The following FBXO47 variants were observed in gnomAD, a reference collection of about 807,000 sequenced individuals.
The protein encoded by FBXO47 is F-box only protein 47.
In FBXO47, 34 loss-of-function variants were observed where a neutral mutation model predicts 53.9. The observed-to-expected ratio is 0.63, with a 90% CI of 0.48 to 0.84. The LOEUF (loss-of-function observed/expected upper bound fraction) is 0.84. Among genes scored for constraint, FBXO47 ranks in the 40% least tolerant of loss-of-function variants. The pLI is 0.00. For missense variants in FBXO47, 485 were observed against 541.3 expected, an observed-to-expected ratio of 0.90 and a Z score of 1.03; for synonymous variants, 165 against 181.6, an observed-to-expected ratio of 0.91 and a Z score of 0.73.
At position 38,937,065 on chromosome 17, in the gene FBXO47, G is replaced by C. The variant is rs1307721741; in HGVS notation, c.*110C>G. 1 of 457,880 alleles carries C rather than the reference G, an allele frequency of 2.2e-6. No homozygotes were observed. The highest frequency in any genetic ancestry group is 3.9e-6 in the Non-Finnish European group (1 of 254,208). 28.4% of individuals were successfully genotyped at this position (457,880 alleles called of 1,614,324 possible). On this transcript the variant is annotated 3_prime_UTR_variant, in exon 11 of 11. Coordinates refer to ENST00000378079, the MANE Select transcript of FBXO47 (RefSeq NM_001008777.3). ...TTCTATCCAGCTTTTGAATTCTTAGGTTACTTAGATGATAAAAAGTCCCAT... is the reference window on the plus strand; with the variant it reads ...TTCTATCCAGCTTTTGAATTCTTAGCTTACTTAGATGATAAAAAGTCCCAT...
chr17:38,955,029 G>T, intron 4 of FBXO47, 96 bp from the exon 5 acceptor site: 1 of 932,660 alleles, frequency 1.1e-6, no homozygotes, highest in Non-Finnish European at 1.6e-6. Flanking sequence ...ATGGAAATAA[G>T]CAAGAATTTT....
chr17:38,940,266 T>G (rs577333956), intron 9 of FBXO47, among the ~76,000 whole-genome samples: 1 of 151,996 alleles, frequency 6.6e-6, no homozygotes, highest in Admixed American at 6.5e-5. Context: ...CAGAGGTAAT[T>G]CAGAGAACTT....
intron 1 of FBXO47, among the ~76,000 whole-genome samples, chr17:38,966,313 T>C (rs1029253504): frequency 2.0e-5 from 3 of 152,164 alleles, no homozygotes; most frequent in Admixed American, 1.3e-4. Context: ...GCGATTCTCC[T>C]GCCTCAGCCT....
At chr17:38,963,549 G>A (rs764160877) in intron 1 of FBXO47, among the ~76,000 whole-genome samples, 23 of 150,710 alleles carry the variant, frequency 1.5e-4, no homozygotes, top group South Asian at 8.4e-4. Context: ...TTATTGTTTC[G>A]AACAAAAAAA....
At chr17:38,946,167 T>C (rs1194465204) in intron 6 of FBXO47, among the ~76,000 whole-genome samples, 2 of 115,042 alleles carry the variant, frequency 1.7e-5, no homozygotes, top group Non-Finnish European at 3.2e-5. Flanking sequence ...AATATATAAA[T>C]ATATAAAAAT....
chr17:38,942,980 C>T, intron 8 of FBXO47, 60 bp from the exon 9 acceptor site: 1 of 1,324,276 alleles, frequency 7.6e-7, no homozygotes, highest in Non-Finnish European at 1.0e-6. Flanking sequence ...ATAGTAAATA[C>T]CATTAAGTAC....
intron 6 of FBXO47, among the ~76,000 whole-genome samples, chr17:38,949,959 T>C (rs1464943896): frequency 6.6e-6 from 1 of 152,154 alleles, no homozygotes; most frequent in African/African-American, 2.4e-5. Flanking sequence ...AATTCAACCA[T>C]TTAAAGTGTG....
In FBXO47 at chr17:38,945,948, A is replaced by AAAAAAAAAAAAAAT. The variant is rs1184511532; in HGVS notation, c.617-813_617-812insATTTTTTTTTTTTT. The stretch of plus-strand genomic sequence containing the variant: ...GAGACTCTGGCTCAAAAAAAAAAAA[A>AAAAAAAAAAAAAAT]ATATATATATATATATAAATATATA... On this transcript the variant is annotated intron_variant, in intron 6 of 10. Transcript: ENST00000378079. Among the ~76,000 whole-genome samples the AAAAAAAAAAAAAAT allele has an allele frequency of 1.1e-3, 127 of 117,108 alleles. 4 individuals carry two copies. Among genetic ancestry groups the AAAAAAAAAAAAAAT allele is most frequent in the African/African-American group, 4.2e-3 (120 of 28,514 alleles). The allele number at this position is 117,108 out of a possible 152,430, so 76.8% of individuals were successfully genotyped here. A position where few individuals can be genotyped will look rare whatever the true frequency, so the allele number is the denominator to read the frequency against.
At chr17:38,959,032 A>G (rs186067439) in intron 3 of FBXO47, among the ~76,000 whole-genome samples, 87 of 152,134 alleles carry the variant, frequency 5.7e-4, no homozygotes, top group African/African-American at 2.0e-3. Context: ...CCTCCTGAGT[A>G]TCTGGGACTA....
At chr17:38,946,293 TAA>T (rs1250829691) in intron 6 of FBXO47, among the ~76,000 whole-genome samples, 303 of 87,062 alleles carry the variant, frequency 3.5e-3, no homozygotes, top group African/African-American at 0.01. Flanking sequence ...TATAAATATA[TAA>T]AAATATATAT....
At chr17:38,940,589 G>A (rs1256456487) in intron 9 of FBXO47, among the ~76,000 whole-genome samples, 1 of 151,880 alleles carries the variant, frequency 6.6e-6, no homozygotes, top group Non-Finnish European at 1.5e-5. Flanking sequence ...ACAGTGTCCT[G>A]AATACAGTCA....
chr17:38,947,097 TATATATAAAC>T (rs1181707256), intron 6 of FBXO47, among the ~76,000 whole-genome samples: 3 of 93,752 alleles, frequency 3.2e-5, no homozygotes, highest in African/African-American at 6.0e-5. Flanking sequence ...TATATAAACA[TATATATAAAC>T]ATATATATAT....
At chr17:38,938,037 C>A (rs1915624722) in intron 10 of FBXO47, among the ~76,000 whole-genome samples, 1 of 152,136 alleles carries the variant, frequency 6.6e-6, no homozygotes, top group Non-Finnish European at 1.5e-5. Flanking sequence ...CTACTGAAAT[C>A]ATGGAATTAT....
At chr17:38,962,198 G>T in intron 2 of FBXO47, 151 bp from the exon 3 acceptor site, 1 of 638,052 alleles carries the variant, frequency 1.6e-6, no homozygotes, top group Non-Finnish European at 2.6e-6. Flanking sequence ...CCTTAAAATT[G>T]TTTAAAATCT....
chr17:38,955,043 A>G (rs1905478691), intron 4 of FBXO47, 110 bp from the exon 5 acceptor site: 6 of 789,444 alleles, frequency 7.6e-6, no homozygotes, highest in South Asian at 3.5e-5. Flanking sequence ...GAATTTTTTC[A>G]GCACCTATTC....
At chr17:38,942,701 A>C in intron 9 of FBXO47, 77 bp downstream of exon 9, 1 of 1,079,916 alleles carries the variant, frequency 9.3e-7, no homozygotes, top group Admixed American at 2.5e-5. Context: ...TCCACATTTC[A>C]GTTCCTTCAG....
intron 2 of FBXO47, 81 bp from the exon 3 acceptor site, chr17:38,962,128 A>G (rs1203047312): frequency 5.9e-5 from 65 of 1,105,792 alleles, no homozygotes; most frequent in Non-Finnish European, 7.4e-5. Flanking sequence ...ATTAACTTAT[A>G]GGTTAACTCA....
intron 7 of FBXO47, among the ~76,000 whole-genome samples, chr17:38,944,309 T>G (rs1234906189): frequency 6.7e-6 from 1 of 150,258 alleles, no homozygotes; most frequent in Non-Finnish European, 1.5e-5. Flanking sequence ...GAGGATCACT[T>G]GAGCCCAAGA....
At chr17:38,938,453 T>C (rs983634183) in intron 10 of FBXO47, 120 bp downstream of exon 10, 24 of 746,770 alleles carry the variant, frequency 3.2e-5, no homozygotes, top group Non-Finnish European at 3.9e-5. Flanking sequence ...AAAGTCAACA[T>C]AGAAATAGCT....
Sources: gnomAD v4.1 joint callset for allele counts (sites outside exome capture counted in the v4.1 genomes callset) on GRCh38, gnomAD v4.1.1 for gene constraint, MANE v1.5 for transcripts, NCBI Gene and HGNC (gene_info 2026-07-23, HGNC 2026-07-21) for gene names.